The following FGGY variants were observed in gnomAD, a reference collection of about 807,000 sequenced individuals.
The protein encoded by FGGY is FGGY carbohydrate kinase domain-containing protein.
Under a neutral mutation model 71.3 loss-of-function variants are expected in FGGY, and 72 were observed. The ratio of observed to expected loss-of-function variants is 1.01; its 90% CI spans 0.84 to 1.23. The LOEUF is 1.23. Ranked by LOEUF, FGGY falls within the 50% of genes most tolerant of loss-of-function variation. FGGY has a pLI of 0.00. For missense variants in FGGY, 668 were observed against 682.3 expected (o/e 0.98, Z 0.23); for synonymous variants, 251 against 250.3 (o/e 1.00, Z -0.02).
intron 14 of FGGY, among the ~76,000 whole-genome samples, chr1:59,702,121 T>C (rs1407232448): frequency 1.3e-5 from 2 of 152,120 alleles, no homozygotes; most frequent in Non-Finnish European, 2.9e-5. Flanking sequence ...CCATCAGCTC[T>C]CGTGAGAACT....
intron 1 of FGGY, among the ~76,000 whole-genome samples, chr1:59,311,343 A>G (rs1262402296): frequency 6.6e-6 from 1 of 151,732 alleles, no homozygotes; most frequent in Non-Finnish European, 1.5e-5. Flanking sequence ...TACGTGTGCC[A>G]TGGTGATTTA....
intron 11 of FGGY, among the ~76,000 whole-genome samples, chr1:59,657,153 T>C (rs1489650097): frequency 1.3e-5 from 2 of 152,208 alleles, no homozygotes; most frequent in African/African-American, 4.8e-5. Flanking sequence ...CATTACATTA[T>C]CAGTATTATT....
At chr1:59,510,047 T>C (rs1254531877) in intron 6 of FGGY, among the ~76,000 whole-genome samples, 2 of 151,302 alleles carry the variant, frequency 1.3e-5, no homozygotes, top group East Asian at 1.9e-4. Context: ...TTTCTTTTTT[T>C]TTTTTTTTAA....
At chr1:59,697,327 T>C (rs139704828) in intron 14 of FGGY, among the ~76,000 whole-genome samples, 1 of 152,338 alleles carries the variant, frequency 6.6e-6, no homozygotes, top group East Asian at 1.9e-4. Flanking sequence ...ACTGAAACTT[T>C]ACCCGTTAAA....
chr1:59,596,077 G>A (rs116516487), intron 8 of FGGY, among the ~76,000 whole-genome samples: 10 of 152,040 alleles, frequency 6.6e-5, no homozygotes, highest in African/African-American at 1.4e-4. Context: ...AAGCCCTCCC[G>A]GATCCACTTT....
chr1:59,498,936 C>T (rs2094133490), intron 6 of FGGY, among the ~76,000 whole-genome samples: 1 of 152,208 alleles, frequency 6.6e-6, no homozygotes, highest in South Asian at 2.1e-4. Context: ...AGGTCATTGT[C>T]TGTGTGGTTA....
At chr1:59,630,852 A>T (rs2153866288) in intron 10 of FGGY, among the ~76,000 whole-genome samples, 1 of 151,948 alleles carries the variant, frequency 6.6e-6, no homozygotes, top group Non-Finnish European at 1.5e-5. Context: ...ATAACTTCAA[A>T]CCCACTTCCA....
chr1:59,460,763 C>T (rs140530665), intron 6 of FGGY, among the ~76,000 whole-genome samples: 46 of 152,300 alleles, frequency 3.0e-4, no homozygotes, highest in African/African-American at 7.9e-4. Flanking sequence ...CTGCAGCCTC[C>T]GCTGGTAATA....
chr1:59,391,288 G>A (rs2060659462), intron 5 of FGGY, among the ~76,000 whole-genome samples: 1 of 152,162 alleles, frequency 6.6e-6, no homozygotes, highest in Non-Finnish European at 1.5e-5. Context: ...GAGTTCAGAG[G>A]CTTAAAGTCC....
At chr1:59,460,486 C>T (rs2092097811) in intron 6 of FGGY, among the ~76,000 whole-genome samples, 1 of 152,236 alleles carries the variant, frequency 6.6e-6, no homozygotes, top group South Asian at 2.1e-4. Context: ...CGTAGCTGAA[C>T]AAAAGGCAGC....
chr1:59,472,699 T>A (rs1302959809), intron 6 of FGGY, among the ~76,000 whole-genome samples: 1 of 152,220 alleles, frequency 6.6e-6, no homozygotes, highest in Non-Finnish European at 1.5e-5. Flanking sequence ...GTCCACACTC[T>A]GTATCTAGCT....
intron 5 of FGGY, among the ~76,000 whole-genome samples, chr1:59,424,525 G>A (rs756319676): frequency 2.6e-5 from 4 of 152,138 alleles, no homozygotes; most frequent in South Asian, 2.1e-4. Flanking sequence ...CCAGCCTGGC[G>A]ACAGAGTGAG....
chr1:59,739,491 A>G (rs2098130523), intron 14 of FGGY, among the ~76,000 whole-genome samples: 1 of 152,166 alleles, frequency 6.6e-6, no homozygotes, highest in Non-Finnish European at 1.5e-5. Flanking sequence ...GGGTATGGGG[A>G]GAATGGTTTC....
rs767300826 is a variant in FGGY at position 59,313,588 on chromosome 1, GCA to G, written c.-14-7933_-14-7932del. Reference sequence around the variant, plus strand: ...ATGTATCACACACACACACACGCACGCACACACACACACACATGATGGAATAC... The same window carrying G: ...ATGTATCACACACACACACACGCACGCACACACACACACATGATGGAATAC... On this transcript the variant is annotated intron_variant, in intron 1 of 15. Transcript: ENST00000303721. 8.0e-5 allele frequency among the ~76,000 whole-genome samples: 12 copies of G among 149,580 alleles called. No homozygotes were observed. The East Asian group carries it at 1.4e-3, about 17-fold the overall frequency.
chr1:59,693,439 T>A (rs1009674863), intron 14 of FGGY, among the ~76,000 whole-genome samples: 1 of 152,252 alleles, frequency 6.6e-6, no homozygotes, highest in Non-Finnish European at 1.5e-5. Flanking sequence ...AAGGTCGTTG[T>A]GATGATTAAG....
At chr1:59,692,848 G>A (rs2097605285) in intron 14 of FGGY, among the ~76,000 whole-genome samples, 1 of 152,146 alleles carries the variant, frequency 6.6e-6, no homozygotes, top group African/African-American at 2.4e-5. Context: ...CTCCTCTCCC[G>A]CGGCTAGACT....
chr1:59,518,027 A>C (rs1052576507), intron 7 of FGGY, among the ~76,000 whole-genome samples: 8 of 152,192 alleles, frequency 5.3e-5, no homozygotes, highest in Non-Finnish European at 1.0e-4. Context: ...TTGGTTTAGC[A>C]CAACTATTTG....
intron 9 of FGGY, among the ~76,000 whole-genome samples, chr1:59,623,099 A>G (rs56053757): frequency 6.6e-6 from 1 of 152,188 alleles, no homozygotes; most frequent in African/African-American, 2.4e-5. Context: ...AACTTGATAG[A>G]TGCTACAGTA....
chr1:59,732,531 A>G (rs139265450), intron 14 of FGGY, among the ~76,000 whole-genome samples: 6 of 152,168 alleles, frequency 3.9e-5, no homozygotes, highest in Admixed American at 3.9e-4. Context: ...AGAGATGAAG[A>G]TGAGGAATGG....
Sources: allele counts gnomAD v4.1 joint callset (sites outside exome capture counted in the v4.1 genomes callset), GRCh38; gene constraint gnomAD v4.1.1; transcripts MANE v1.5; gene names NCBI Gene and HGNC (gene_info 2026-07-23, HGNC 2026-07-21).